The following UNC5D variants were observed in gnomAD, a reference collection of about 807,000 sequenced individuals.
The protein encoded by UNC5D is netrin receptor UNC5D.
A neutral mutation model predicts 105.4 loss-of-function variants in UNC5D; 39 were observed. That is an observed-to-expected ratio of 0.37 (90% CI 0.29 to 0.48). The LOEUF (loss-of-function observed/expected upper bound fraction) is 0.48. Among genes scored for constraint, UNC5D ranks in the 20% least tolerant of loss-of-function variants. The pLI is 0.98. For synonymous variants in UNC5D, 452 were observed against 450.4 expected, an observed-to-expected ratio of 1.00 and a Z score of -0.04; for missense variants, 991 against 1,202.4, an observed-to-expected ratio of 0.82 and a Z score of 2.60.
intron 1 of UNC5D, among the ~76,000 whole-genome samples, chr8:35,432,264 C>T (rs983007489): frequency 1.3e-5 from 2 of 152,058 alleles, no homozygotes; most frequent in Non-Finnish European, 2.9e-5. Context: ...CATAGAAAAA[C>T]CTCTATTATT....
intron 14 of UNC5D, 100 bp from the exon 15 acceptor site, chr8:35,766,802 G>T (rs1801788180): frequency 7.5e-7 from 1 of 1,339,664 alleles, no homozygotes; most frequent in African/African-American, 1.5e-5. Context: ...CGTTGTTGTT[G>T]TCGTCATCAT....
chr8:35,271,691 G>T (rs1387406837), intron 1 of UNC5D, among the ~76,000 whole-genome samples: 4 of 52,584 alleles, frequency 7.6e-5, no homozygotes, highest in African/African-American at 2.2e-4. Flanking sequence ...ATGTATACAT[G>T]TATACATGTA....
chr8:35,603,740 A>G (rs550660332), intron 4 of UNC5D, among the ~76,000 whole-genome samples: 2 of 152,154 alleles, frequency 1.3e-5, no homozygotes, highest in East Asian at 3.9e-4. Flanking sequence ...TATTGGGTGC[A>G]TATATATTTA....
At chr8:35,294,315 A>T (rs890518682) in intron 1 of UNC5D, among the ~76,000 whole-genome samples, 4 of 152,190 alleles carry the variant, frequency 2.6e-5, no homozygotes, top group African/African-American at 9.7e-5. Context: ...TAGAGCATTT[A>T]CATTTGCATT....
intron 4 of UNC5D, among the ~76,000 whole-genome samples, chr8:35,641,366 C>CAAAAAAAAAAAAAAAAAAAAAAAAAG (rs377021599): frequency 4.5e-5 from 2 of 44,292 alleles, no homozygotes; most frequent in African/African-American, 1.7e-4. Flanking sequence ...AAAAATAAAG[C>CAAAAAAAAAAAAAAAAAAAAAAAAAG]AAAAAAAAAA....
chr8:35,598,597 C>A (rs938058380), intron 4 of UNC5D, among the ~76,000 whole-genome samples: 1 of 152,174 alleles, frequency 6.6e-6, no homozygotes, highest in Non-Finnish European at 1.5e-5. Context: ...TACCTGCACC[C>A]CCATGTTCAT....
intron 1 of UNC5D, among the ~76,000 whole-genome samples, chr8:35,538,394 A>AT (rs1423253688): frequency 1.1e-5 from 1 of 87,558 alleles, no homozygotes; most frequent in Non-Finnish European, 2.4e-5. Context: ...AAAAAAAATA[A>AT]TTATATATAT....
chr8:35,595,556 T>A lies in UNC5D; in HGVS notation c.469T>A (p.Leu157Ile). Residue 157 changes from leucine (L) to isoleucine (I), a missense_variant and splice_region_variant, in exon 4 of 17, where the codon TTA (leucine) becomes ATA (isoleucine). Leu to Ile is a conservative substitution (Grantham distance 5, BLOSUM62 2). This residue lies in a region of UNC5D where 944 missense variants were observed against 1,131.6 expected (regional missense o/e 0.83). Transcript: ENST00000404895. The stretch of plus-strand genomic sequence containing the variant: ...ACCTATCTCATGCTTCTTTGCAGAT[T>A]TACGGAAAAACTTTGAACAAGACCC... The part of the protein sequence containing the change: ...SRKASVRIAY[L>I]RKNFEQDPQG... 6.2e-7 allele frequency: 1 copy of A among 1,613,942 alleles called. No homozygotes were observed. Among genetic ancestry groups the A allele is most frequent in the Non-Finnish European group, 8.5e-7 (1 of 1,179,918 alleles).
chr8:35,382,835 T>C (rs1390214055), intron 1 of UNC5D, among the ~76,000 whole-genome samples: 15 of 152,178 alleles, frequency 9.9e-5, no homozygotes, highest in Non-Finnish European at 7.3e-5. Context: ...TGTGAAAGTG[T>C]ATGTTTCACT....
At chr8:35,420,918 CTT>C (rs1302437330) in intron 1 of UNC5D, among the ~76,000 whole-genome samples, 4 of 152,138 alleles carry the variant, frequency 2.6e-5, no homozygotes, top group African/African-American at 7.2e-5. Flanking sequence ...TGTGTGATGA[CTT>C]TGTTCTGGCA....
At chr8:35,592,973 C>T (rs1241017045) in intron 3 of UNC5D, among the ~76,000 whole-genome samples, 1 of 150,476 alleles carries the variant, frequency 6.6e-6, no homozygotes, top group Non-Finnish European at 1.5e-5. Flanking sequence ...TATGTGAGAT[C>T]TATTAGAAGT....
At chr8:35,688,438 A>G (rs986149861) in intron 7 of UNC5D, among the ~76,000 whole-genome samples, 2 of 152,196 alleles carry the variant, frequency 1.3e-5, no homozygotes, top group African/African-American at 4.8e-5. Flanking sequence ...TGTATGGTTC[A>G]TACATTGGTT....
chr8:35,733,507 G>A (rs916195279), intron 11 of UNC5D, among the ~76,000 whole-genome samples: 1 of 152,168 alleles, frequency 6.6e-6, no homozygotes, highest in African/African-American at 2.4e-5. Context: ...GCACTGTTCA[G>A]TTCCTGTCAT....
intron 1 of UNC5D, among the ~76,000 whole-genome samples, chr8:35,297,408 G>A (rs961189188): frequency 1.3e-5 from 2 of 152,144 alleles, no homozygotes; most frequent in African/African-American, 4.8e-5. Flanking sequence ...CTGAAATGAT[G>A]TCGTGACCAA....
chr8:35,384,131 G>A (rs1803222374), intron 1 of UNC5D, among the ~76,000 whole-genome samples: 2 of 151,558 alleles, frequency 1.3e-5, no homozygotes, highest in South Asian at 2.1e-4. Flanking sequence ...CAGGAGAATG[G>A]CTGGTGTGAA....
chr8:35,477,132 G>A (rs1810158673), intron 1 of UNC5D, among the ~76,000 whole-genome samples: 1 of 152,000 alleles, frequency 6.6e-6, no homozygotes, highest in Non-Finnish European at 1.5e-5. Context: ...AATTTTCTTT[G>A]TGCTTTAAAG....
intron 15 of UNC5D, among the ~76,000 whole-genome samples, chr8:35,769,730 C>T (rs769311420): frequency 5.9e-5 from 9 of 152,018 alleles, no homozygotes; most frequent in Non-Finnish European, 1.2e-4. Flanking sequence ...TTTGGGAGGG[C>T]GAGGTAGGCG....
intron 1 of UNC5D, among the ~76,000 whole-genome samples, chr8:35,426,346 A>C (rs1585814943): frequency 6.6e-6 from 1 of 152,334 alleles, no homozygotes; most frequent in African/African-American, 2.4e-5. Context: ...TCAGTGCAGA[A>C]TCATAACAAA....
intron 1 of UNC5D, among the ~76,000 whole-genome samples, chr8:35,518,589 C>A (rs777066311): frequency 3.3e-5 from 5 of 152,074 alleles, no homozygotes; most frequent in Non-Finnish European, 7.4e-5. Context: ...TATTGGTAGA[C>A]AGGTATATTG....
Sources: allele counts gnomAD v4.1 joint callset (sites outside exome capture counted in the v4.1 genomes callset), GRCh38; gene constraint gnomAD v4.1.1; regional missense constraint gnomAD v4.1.1; transcripts MANE v1.5; gene names NCBI Gene and HGNC (gene_info 2026-07-23, HGNC 2026-07-21).